TRPM8: variants seen among roughly 807,000 people sequenced by gnomAD.
TRPM8 encodes transient receptor potential cation channel subfamily M member 8, also known as TRPM8 cationic channel.
A neutral mutation model predicts 133.7 loss-of-function variants in TRPM8; 110 were observed. The ratio of observed to expected loss-of-function variants is 0.82; its 90% CI spans 0.70 to 0.96. TRPM8 has a LOEUF of 0.96. TRPM8 is among the 40% of genes least tolerant of loss of function. The pLI, the probability that TRPM8 is intolerant of heterozygous loss-of-function variation, is 0.00. For missense variants in TRPM8, 1,291 were observed against 1,379.5 expected (o/e 0.94, Z 1.02); for synonymous variants, 535 against 532.3 (o/e 1.01, Z -0.07).
At chr2:233,934,177 G>C (rs1316977586) in intron 3 of TRPM8, among the ~76,000 whole-genome samples, 1 of 152,162 alleles carries the variant, frequency 6.6e-6, no homozygotes, top group Non-Finnish European at 1.5e-5. Context: ...GAGTGGCCAG[G>C]CCTCTGGAGT....
intron 24 of TRPM8, among the ~76,000 whole-genome samples, chr2:234,012,045 A>G (rs1196288729): frequency 6.6e-6 from 1 of 151,246 alleles, no homozygotes; most frequent in African/African-American, 2.4e-5. Context: ...GATTGTTTTC[A>G]TAATTTCCCT....
At chr2:233,918,131 TTATTC>T (rs1232519160) in intron 1 of TRPM8, among the ~76,000 whole-genome samples, 2 of 152,246 alleles carry the variant, frequency 1.3e-5, no homozygotes, top group East Asian at 3.9e-4. Flanking sequence ...AAGGAAATGG[TTATTC>T]CTTAAGACTA....
chr2:234,016,659 C>T (rs1254789843), intron 25 of TRPM8, among the ~76,000 whole-genome samples: 1 of 152,166 alleles, frequency 6.6e-6, no homozygotes, highest in Non-Finnish European at 1.5e-5. Flanking sequence ...ATGAAATAAA[C>T]AGATAATTGT....
intron 23 of TRPM8, 119 bp from the exon 24 acceptor site, chr2:234,007,949 TAA>T (rs1411367959): frequency 1.5e-5 from 15 of 996,474 alleles, no homozygotes; most frequent in Non-Finnish European, 2.3e-5. Context: ...TTGATTTAGC[TAA>T]GAGTGAAAAT....
intron 6 of TRPM8, among the ~76,000 whole-genome samples, chr2:233,945,249 G>A (rs538920999): frequency 2.6e-5 from 4 of 152,252 alleles, no homozygotes; most frequent in South Asian, 4.1e-4. Context: ...TTTTTGGTAA[G>A]GATTCCTTTC....
intron 22 of TRPM8, among the ~76,000 whole-genome samples, chr2:234,000,124 T>G (rs1049565703): frequency 6.6e-6 from 1 of 151,636 alleles, no homozygotes; most frequent in African/African-American, 2.4e-5. Context: ...TATTTATTTA[T>G]TTTTGAGACA....
At chr2:233,946,130 C>G in intron 7 of TRPM8, 100 bp downstream of exon 7, 1 of 1,124,898 alleles carries the variant, frequency 8.9e-7, no homozygotes, top group Non-Finnish European at 1.3e-6. Flanking sequence ...GCGTGAGAAA[C>G]ACACCTGATC....
intron 21 of TRPM8, among the ~76,000 whole-genome samples, chr2:233,987,899 C>CT (rs1308382411): frequency 4.6e-5 from 7 of 152,028 alleles, no homozygotes; most frequent in South Asian, 2.1e-4. Flanking sequence ...TAAGACGTGA[C>CT]TTGCTCCTCC....
rs1490541625 is a variant in TRPM8 at position 233,949,962 on chromosome 2, C to T, written c.956C>T (p.Ser319Phe). The T allele has an allele frequency of 6.2e-7, 1 of 1,614,136 alleles. No individual in the cohort carries two copies. Among genetic ancestry groups the T allele is most frequent in the Non-Finnish European group, 8.5e-7 (1 of 1,180,030 alleles). The change falls in exon 9 of 26, where the codon TCC (serine) becomes TTC (phenylalanine). Residue 319 changes from serine (S) to phenylalanine (F), a missense_variant. Ser to Phe is a radical substitution (Grantham distance 155). Coordinates refer to ENST00000324695, the MANE Select transcript of TRPM8 (RefSeq NM_024080.5). ...GKETLKAINT[S>F]IKNKIPCVVV... is the part of the protein sequence containing the mutation. ...TCCTTCCTCCAGGCCATCAATACCT[C>T]CATCAAAAATAAAATTCCTTGTGTG...
At chr2:233,963,222 C>A (rs987204774) in intron 12 of TRPM8, 60 bp from the exon 13 acceptor site, 4 of 1,179,688 alleles carry the variant, frequency 3.4e-6, no homozygotes. Flanking sequence ...TCTCCTAGGG[C>A]TTCCTGATCC....
intron 6 of TRPM8, 89 bp downstream of exon 6, chr2:233,942,837 T>C (rs1690944550): frequency 2.0e-6 from 3 of 1,496,596 alleles, no homozygotes; most frequent in African/African-American, 1.4e-5. Flanking sequence ...GGCTCTGTGA[T>C]GGAGCCAGCC....
chr2:234,001,395 G>T (rs954179088), intron 22 of TRPM8, among the ~76,000 whole-genome samples: 1 of 152,032 alleles, frequency 6.6e-6, no homozygotes, highest in Middle Eastern at 3.2e-3. Flanking sequence ...TATTCCGGAC[G>T]GCCCCCAGAA....
intron 2 of TRPM8, among the ~76,000 whole-genome samples, chr2:233,927,740 TTC>T (rs1691552926): frequency 1.7e-5 from 1 of 60,578 alleles, no homozygotes; most frequent in Non-Finnish European, 2.5e-5. Context: ...CTTTCTTTCT[TTC>T]TTTCTTTCTT....
Position 233,985,744 on chromosome 2 carries a change from T to G in TRPM8, c.2818T>G (p.Cys940Gly). ...CACTGGGAATGAGTCCAAGCCACTGTGTGTGGAGCTGGATGAGCACAACCT... is the reference window on the plus strand; with the variant it reads ...CACTGGGAATGAGTCCAAGCCACTGGGTGTGGAGCTGGATGAGCACAACCT... ...TFTGNESKPLCVELDEHNLPR... is the reference protein window; with the variant it reads ...TFTGNESKPLGVELDEHNLPR... The change falls in exon 21 of 26, where the codon TGT becomes GGT. Residue 940 changes from cysteine (C) to glycine (G), a missense_variant. Transcript: ENST00000324695. 3 of 1,614,226 alleles carry G rather than the reference T, an allele frequency of 1.9e-6. No homozygotes were observed. The highest frequency in any genetic ancestry group is 2.5e-6 in the Non-Finnish European group (3 of 1,180,040).
At chr2:233,969,490 GA>G (rs1311732841) in intron 15 of TRPM8, among the ~76,000 whole-genome samples, 2 of 151,032 alleles carry the variant, frequency 1.3e-5, no homozygotes, top group African/African-American at 2.4e-5. Flanking sequence ...TCCGTCTCAA[GA>G]AAAAAAACAA....
intron 24 of TRPM8, among the ~76,000 whole-genome samples, chr2:234,011,645 G>A (rs28901887): frequency 0.012 from 1,853 of 152,140 alleles, 12 homozygotes; most frequent in Non-Finnish European, 0.018. Context: ...CTGGCCGGGC[G>A]CAGTGGTTCA....
chr2:234,006,506 C>A (rs1385840453), intron 22 of TRPM8, among the ~76,000 whole-genome samples: 2 of 152,150 alleles, frequency 1.3e-5, no homozygotes, highest in African/African-American at 4.8e-5. Context: ...ATTTTTATGT[C>A]ATCAAAATGG....
chr2:233,983,098 G>C lies in TRPM8; in HGVS notation c.2635G>C (p.Val879Leu), dbSNP rs1159360789. 3 of 1,614,108 alleles carry C rather than the reference G, an allele frequency of 1.9e-6. No homozygotes were observed. The highest frequency in any genetic ancestry group is 2.5e-6 in the Non-Finnish European group (3 of 1,180,006). ...FFLFLFAVWMVAFGVARQGIL... is the reference protein window; with the variant it reads ...FFLFLFAVWMLAFGVARQGIL... ...CCTGTTCCTCTTTGCGGTGTGGATG[G>C]TGGCCTTTGGCGTGGCCAGGCAAGG... is the stretch of plus-strand genomic sequence containing the variant. Residue 879 changes from valine to leucine, a missense_variant, in exon 20 of 26, where the codon GTG becomes CTG. Transcript: ENST00000324695.
At chr2:234,007,954 G>A in intron 23 of TRPM8, 116 bp from the exon 24 acceptor site, 1 of 1,043,784 alleles carries the variant, frequency 9.6e-7, no homozygotes, top group Non-Finnish European at 1.4e-6. Flanking sequence ...TTAGCTAAGA[G>A]TGAAAATGAC....
Sources: gnomAD v4.1 joint callset for allele counts (sites outside exome capture counted in the v4.1 genomes callset) on GRCh38, gnomAD v4.1.1 for gene constraint, MANE v1.5 for transcripts, NCBI Gene and HGNC (gene_info 2026-07-23, HGNC 2026-07-21) for gene names.